The following AIG1 variants were observed in gnomAD, a reference collection of about 807,000 sequenced individuals.
AIG1 encodes the protein androgen induced 1, also known as androgen-induced gene 1 protein.
In AIG1, 23 loss-of-function variants were observed where a neutral mutation model predicts 31.4. That is an observed-to-expected ratio of 0.73 (90% CI 0.53 to 1.04). The LOEUF (loss-of-function observed/expected upper bound fraction) is 1.04, where lower values mean the gene tolerates loss of function less well. AIG1 is among the 50% of genes least tolerant of loss of function. The pLI, the probability that AIG1 is intolerant of heterozygous loss-of-function variation, is 0.00. For synonymous variants in AIG1, 100 were observed against 110.5 expected, an observed-to-expected ratio of 0.90 and a Z score of 0.60; for missense variants, 274 against 295.0, an observed-to-expected ratio of 0.93 and a Z score of 0.52.
At chr6:143,085,818 T>A (rs1778723482) in intron 1 of AIG1, among the ~76,000 whole-genome samples, 1 of 152,136 alleles carries the variant, frequency 6.6e-6, no homozygotes, top group Non-Finnish European at 1.5e-5. Flanking sequence ...ACCCGGGAGG[T>A]GCCATCTGTC....
At chr6:143,127,407 G>C (rs558482967) in intron 1 of AIG1, among the ~76,000 whole-genome samples, 8 of 152,196 alleles carry the variant, frequency 5.3e-5, no homozygotes, top group African/African-American at 1.9e-4. Flanking sequence ...CCATCTTCAA[G>C]ACAAATCTAT....
chr6:143,061,368 C>T (rs1776245125), intron 1 of AIG1: 1 of 516,326 alleles, frequency 1.9e-6, no homozygotes, highest in Non-Finnish European at 3.8e-6. Context: ...CACCGAACTG[C>T]TTCTAAGAGG....
intron 4 of AIG1, among the ~76,000 whole-genome samples, chr6:143,310,729 A>G (rs1034025195): frequency 6.6e-6 from 1 of 151,712 alleles, no homozygotes; most frequent in African/African-American, 2.4e-5. Context: ...AAGAAAGAAT[A>G]TACAAATTAT....
At position 143,327,942 on chromosome 6, in the gene AIG1, G is replaced by A. The variant is rs1451881285; in HGVS notation, c.516-5340G>A. ...GTTTGATAAACTGCCTAGAATAGAG[G>A]AGAGATCTGGGTTAGGATATAAGTT... On this transcript the variant is annotated intron_variant, in intron 4 of 5. Transcript: ENST00000357847. The surrounding 1 kb of genome is among the most constrained non-coding windows in gnomAD (Gnocchi z 5.3). 5.3e-5 allele frequency among the ~76,000 whole-genome samples: 8 copies of A among 152,280 alleles called. No individual in the cohort carries two copies. In the East Asian group the frequency reaches 1.5e-3, roughly 29 times the overall value.
downstream of AIG1, chr6:143,342,305 G>T: frequency 1.5e-6 from 1 of 683,466 alleles, no homozygotes; most frequent in Non-Finnish European, 2.7e-6. Flanking sequence ...GGGCTCCCCT[G>T]GTGCGCAGCA....
intron 2 of AIG1, among the ~76,000 whole-genome samples, chr6:143,158,609 G>A (rs1786024496): frequency 6.6e-6 from 1 of 152,282 alleles, no homozygotes; most frequent in East Asian, 1.9e-4. Context: ...TGATCTTGAA[G>A]TCCAGAGGAT....
At chr6:143,133,047 G>A (rs1231771769) in intron 1 of AIG1, among the ~76,000 whole-genome samples, 1 of 151,790 alleles carries the variant, frequency 6.6e-6, no homozygotes, top group Non-Finnish European at 1.5e-5. Flanking sequence ...TTTATTGAAT[G>A]GCTTTTATTT....
At chr6:143,112,519 A>T (rs1445356870) in intron 1 of AIG1, among the ~76,000 whole-genome samples, 1 of 152,234 alleles carries the variant, frequency 6.6e-6, no homozygotes, top group African/African-American at 2.4e-5. Flanking sequence ...AAGATGAATA[A>T]GACATTATCC....
intron 4 of AIG1, among the ~76,000 whole-genome samples, chr6:143,294,258 A>G (rs1798267751): frequency 6.6e-6 from 1 of 152,252 alleles, no homozygotes; most frequent in African/African-American, 2.4e-5. Context: ...CCACCTTACA[A>G]CATTGCTCTT....
intron 4 of AIG1, among the ~76,000 whole-genome samples, chr6:143,315,453 G>A (rs912119464): frequency 1.3e-5 from 2 of 152,074 alleles, no homozygotes; most frequent in African/African-American, 4.8e-5. Flanking sequence ...AAGATATTGT[G>A]GAGTTGGAAA....
In AIG1 at chr6:143,090,167, G is replaced by A. The variant is rs190072789; in HGVS notation, c.141+29101G>A. 2.7e-4 allele frequency among the ~76,000 whole-genome samples: 41 copies of A among 152,202 alleles called. 1 individual carries two copies. Among genetic ancestry groups the A allele is most frequent in the African/African-American group, 9.6e-4 (40 of 41,524 alleles). ...CAGGTTCTGGAGAAAAATCTTTTGA[G>A]TTTGCAGCCTAGTTCTGCCTCTAGC... On this transcript the variant is annotated intron_variant, in intron 1 of 5. Coordinates refer to ENST00000357847, the MANE Select transcript of AIG1 (RefSeq NM_016108.4).
intron 3 of AIG1, among the ~76,000 whole-genome samples, chr6:143,225,522 T>C (rs746908198): frequency 2.0e-5 from 3 of 152,378 alleles, no homozygotes; most frequent in Middle Eastern, 3.4e-3. Context: ...TTATTTATTT[T>C]GCTTCGTTTA....
chr6:143,082,792 T>C (rs1778391648), intron 1 of AIG1, among the ~76,000 whole-genome samples: 1 of 152,158 alleles, frequency 6.6e-6, no homozygotes, highest in African/African-American at 2.4e-5. Context: ...TAAGGACTCT[T>C]AGAGCTGTTC....
chr6:143,135,604 C>A (rs1783660352), intron 1 of AIG1, among the ~76,000 whole-genome samples: 3 of 152,138 alleles, frequency 2.0e-5, no homozygotes, highest in Admixed American at 2.0e-4. Context: ...GAACATTACT[C>A]TGCCTAAGAC....
chr6:143,335,916 C>T (rs1477073088), intron 5 of AIG1, among the ~76,000 whole-genome samples: 1 of 149,968 alleles, frequency 6.7e-6, no homozygotes, highest in Non-Finnish European at 1.5e-5. Flanking sequence ...CCACCACACT[C>T]CATCCTGAGC....
At chr6:143,098,892 T>A (rs986864239) in intron 1 of AIG1, among the ~76,000 whole-genome samples, 1 of 152,216 alleles carries the variant, frequency 6.6e-6, no homozygotes, top group Non-Finnish European at 1.5e-5. Flanking sequence ...GTAGCTGTAT[T>A]TAGCTCTTGA....
chr6:143,196,364 C>T (rs1462613152), intron 3 of AIG1, among the ~76,000 whole-genome samples: 1 of 149,140 alleles, frequency 6.7e-6, no homozygotes, highest in Admixed American at 6.7e-5. Flanking sequence ...CACACACACA[C>T]ACACACACAC....
chr6:143,096,527 G>C (rs1168926980), intron 1 of AIG1, among the ~76,000 whole-genome samples: 1 of 152,210 alleles, frequency 6.6e-6, no homozygotes, highest in Non-Finnish European at 1.5e-5. Context: ...CACCCAGTCA[G>C]ATGGCTTCTC....
chr6:143,061,595 A>G (rs911652983), intron 1 of AIG1: 5 of 290,922 alleles, frequency 1.7e-5, no homozygotes, highest in African/African-American at 8.7e-5. Context: ...TCTTCTTTGC[A>G]TCTGTTTTTT....
Sources: gnomAD v4.1 joint callset for allele counts (sites outside exome capture counted in the v4.1 genomes callset) on GRCh38, gnomAD v4.1.1 for gene constraint, Gnocchi (gnomAD v3.1) non-coding constraint, MANE v1.5 for transcripts, NCBI Gene and HGNC (gene_info 2026-07-23, HGNC 2026-07-21) for gene names.